RALYL: variants seen among roughly 807,000 people sequenced by gnomAD.
RALYL encodes the protein RALY RNA binding protein like.
A neutral mutation model predicts 35.1 loss-of-function variants in RALYL; 29 were observed. The observed-to-expected ratio is 0.83, with a 90% CI of 0.61 to 1.13. The LOEUF is 1.13. Ranked by LOEUF, RALYL falls within the 50% of genes most tolerant of loss-of-function variation. The pLI is 0.00. For synonymous variants in RALYL, 120 were observed against 127.6 expected (o/e 0.94, Z 0.40); for missense variants, 359 against 360.4 (o/e 1.00, Z 0.03).
chr8:84,698,269 A>T (rs1431618366), intron 2 of RALYL, among the ~76,000 whole-genome samples: 1 of 152,112 alleles, frequency 6.6e-6, no homozygotes. Flanking sequence ...AGCACTTAAT[A>T]ATTGTTCATT....
At chr8:84,681,225 C>T (rs1409266171) in intron 2 of RALYL, among the ~76,000 whole-genome samples, 1 of 152,162 alleles carries the variant, frequency 6.6e-6, no homozygotes, top group Non-Finnish European at 1.5e-5. Context: ...TGTTTTGGTA[C>T]CAGTACCATG....
chr8:84,684,730 G>A (rs1319567020), intron 2 of RALYL, among the ~76,000 whole-genome samples: 1 of 152,154 alleles, frequency 6.6e-6, no homozygotes, highest in Non-Finnish European at 1.5e-5. Flanking sequence ...GTAGGTGAGA[G>A]AAATCAATCA....
chr8:84,587,394 C>T (rs1441231339), intron 2 of RALYL, among the ~76,000 whole-genome samples: 1 of 152,066 alleles, frequency 6.6e-6, no homozygotes, highest in Non-Finnish European at 1.5e-5. Flanking sequence ...AATGTTATTT[C>T]AAAATATGTT....
chr8:84,877,949 T>C (rs1270887214), intron 7 of RALYL, among the ~76,000 whole-genome samples: 5 of 152,174 alleles, frequency 3.3e-5, no homozygotes, highest in African/African-American at 9.7e-5. Context: ...GAGCAGTGTT[T>C]TCTCTTGAAG....
intron 1 of RALYL, among the ~76,000 whole-genome samples, chr8:84,208,327 G>A (rs945930529): frequency 9.2e-5 from 14 of 152,062 alleles, no homozygotes; most frequent in South Asian, 6.2e-4. Flanking sequence ...TTTTCTTTGT[G>A]TCTAAGTATA....
intron 1 of RALYL, among the ~76,000 whole-genome samples, chr8:84,442,788 C>T (rs767665607): frequency 1.3e-5 from 2 of 152,118 alleles, no homozygotes; most frequent in African/African-American, 2.4e-5. Context: ...AAAGAACTCA[C>T]GTGTCATGCT....
intron 1 of RALYL, among the ~76,000 whole-genome samples, chr8:84,330,424 C>T (rs2130684130): frequency 6.6e-6 from 1 of 151,974 alleles, no homozygotes; most frequent in Non-Finnish European, 1.5e-5. Context: ...AAGATTCATG[C>T]ATAAATTTGC....
At chr8:84,726,134 G>A (rs1844901398) in intron 2 of RALYL, among the ~76,000 whole-genome samples, 1 of 150,044 alleles carries the variant, frequency 6.7e-6, no homozygotes, top group Admixed American at 6.7e-5. Context: ...TCATCATTTT[G>A]AATAATTGCA....
chr8:84,637,494 C>G (rs1825319944), intron 2 of RALYL, among the ~76,000 whole-genome samples: 1 of 151,758 alleles, frequency 6.6e-6, no homozygotes, highest in African/African-American at 2.4e-5. Context: ...ATCCAATTAA[C>G]AAGAGTGAGT....
chr8:84,249,261 T>C (rs972654678), intron 1 of RALYL, among the ~76,000 whole-genome samples: 8 of 152,116 alleles, frequency 5.3e-5, no homozygotes, highest in Non-Finnish European at 2.9e-5. Context: ...ATGTTGTTCC[T>C]TTTTCCTACT....
chr8:84,311,142 T>C (rs950989777), intron 1 of RALYL, among the ~76,000 whole-genome samples: 2 of 148,412 alleles, frequency 1.3e-5, no homozygotes, highest in Non-Finnish European at 3.0e-5. Flanking sequence ...ATATGGTTAT[T>C]ATGTATAATC....
chr8:84,432,738 C>T (rs1473966803), intron 1 of RALYL, among the ~76,000 whole-genome samples: 5 of 151,978 alleles, frequency 3.3e-5, no homozygotes, highest in African/African-American at 7.2e-5. Flanking sequence ...GAAGATGCCA[C>T]GTGATGATAG....
chr8:84,826,675 C>T (rs1389555751), intron 4 of RALYL, among the ~76,000 whole-genome samples: 4 of 151,748 alleles, frequency 2.6e-5, no homozygotes, highest in South Asian at 2.1e-4. Flanking sequence ...TTCATCATCA[C>T]GCTCCAATGA....
chr8:84,403,279 T>G (rs1459445979), intron 1 of RALYL, among the ~76,000 whole-genome samples: 1 of 151,956 alleles, frequency 6.6e-6, no homozygotes, highest in Non-Finnish European at 1.5e-5. Context: ...CTTCTAGGGT[T>G]TTTATGGTTT....
intron 2 of RALYL, among the ~76,000 whole-genome samples, chr8:84,607,827 T>C (rs1817485285): frequency 6.6e-6 from 1 of 152,126 alleles, no homozygotes; most frequent in Non-Finnish European, 1.5e-5. Flanking sequence ...TTTTTCTCTT[T>C]ACTGTTTTGA....
chr8:84,553,219 T>G (rs986956955), intron 2 of RALYL, among the ~76,000 whole-genome samples: 3 of 152,222 alleles, frequency 2.0e-5, no homozygotes, highest in Admixed American at 1.3e-4. Context: ...TGGAGTGCAG[T>G]GGCACAATCA....
chr8:84,917,605 A>T (rs975016565), intron 8 of RALYL, among the ~76,000 whole-genome samples: 1 of 150,818 alleles, frequency 6.6e-6, no homozygotes, highest in Admixed American at 6.7e-5. Flanking sequence ...ATCTCAGATG[A>T]TTCTCCCCTG....
chr8:84,192,809 G>A (rs1814246170), intron 1 of RALYL, among the ~76,000 whole-genome samples: 1 of 148,272 alleles, frequency 6.7e-6, no homozygotes, highest in Non-Finnish European at 1.5e-5. Flanking sequence ...GCCTGCCTTG[G>A]CCTCCCAAAC....
At position 84,277,627 on chromosome 8, in the gene RALYL, G is replaced by C. The variant is rs1429518028; in HGVS notation, c.-24+93203G>C. ...AGCCTGTAAAATTAAAAACAAGTTAGTTACTTCCTAGATTCAGTGGGGGTA... is the reference window on the plus strand; with the variant it reads ...AGCCTGTAAAATTAAAAACAAGTTACTTACTTCCTAGATTCAGTGGGGGTA... On this transcript the variant is annotated intron_variant, in intron 1 of 8. Transcript: ENST00000521268. Among the ~76,000 whole-genome samples, 3 of 152,122 alleles carry C rather than the reference G, an allele frequency of 2.0e-5. No homozygotes were observed. The East Asian group carries it at 5.8e-4, about 29-fold the overall frequency.
Sources: allele counts gnomAD v4.1 joint callset (sites outside exome capture counted in the v4.1 genomes callset), GRCh38; gene constraint gnomAD v4.1.1; transcripts MANE v1.5; gene names NCBI Gene and HGNC (gene_info 2026-07-23, HGNC 2026-07-21).